Variants in ELAPOR1 observed in about 807,000 individuals in gnomAD.
ELAPOR1 encodes endosome-lysosome associated apoptosis and autophagy regulator 1, also known as endosome/lysosome-associated apoptosis and autophagy regulator 1.
Under a neutral mutation model 119.7 loss-of-function variants are expected in ELAPOR1, and 77 were observed. The ratio of observed to expected loss-of-function variants is 0.64; its 90% CI spans 0.54 to 0.78. ELAPOR1 has a LOEUF of 0.78. Ranked by LOEUF, ELAPOR1 falls within the 30% of genes least tolerant of loss-of-function variation. The pLI, the probability that ELAPOR1 is intolerant of heterozygous loss-of-function variation, is 0.00. For missense variants in ELAPOR1, 1,115 were observed against 1,270.4 expected, an observed-to-expected ratio of 0.88 and a Z score of 1.86; for synonymous variants, 481 against 487.2, an observed-to-expected ratio of 0.99 and a Z score of 0.17.
At chr1:109,189,787 T>C (rs1284965960) in intron 11 of ELAPOR1, 105 bp downstream of exon 11, 9 of 821,362 alleles carry the variant, frequency 1.1e-5, no homozygotes, top group Non-Finnish European at 1.8e-5. Context: ...TTGTGTTTCA[T>C]TTCATTTCAA....
intron 7 of ELAPOR1, among the ~76,000 whole-genome samples, chr1:109,177,115 G>A (rs1221998729): frequency 6.7e-6 from 1 of 148,488 alleles, no homozygotes; most frequent in Non-Finnish European, 1.5e-5. Context: ...TCAATGAGCT[G>A]TTGGGTACAC....
chr1:109,152,952 CAA>C (rs11392572), intron 1 of ELAPOR1, among the ~76,000 whole-genome samples: 30 of 102,378 alleles, frequency 2.9e-4, no homozygotes, highest in African/African-American at 5.9e-4. Context: ...ACCCTGTCTC[CAA>C]AAAAAAAAAA....
At chr1:109,187,035 C>A in intron 8 of ELAPOR1, 2 of 985,574 alleles carry the variant, frequency 2.0e-6, no homozygotes, top group African/African-American at 1.7e-5. Context: ...CTGCTTTGTG[C>A]CTCATTCCCG....
intron 7 of ELAPOR1, among the ~76,000 whole-genome samples, chr1:109,177,215 G>A (rs1270406061): frequency 3.3e-5 from 5 of 149,780 alleles, no homozygotes; most frequent in African/African-American, 9.9e-5. Context: ...CCTGGACGGG[G>A]CGGCTGGCCG....
Position 109,191,717 on chromosome 1 carries a change from T to C in ELAPOR1, c.1546-9T>C, listed in dbSNP as rs1219169340. On this transcript the variant is annotated splice_polypyrimidine_tract_variant and intron_variant, in intron 12 of 21. Transcript: ENST00000369939. ...TCGCACCCGCTTCACTTGTCTGTCC[T>C]GGGTTCAGGGTGTGAATTCTAGGAC... 7 of 1,614,022 alleles carry C rather than the reference T, an allele frequency of 4.3e-6. No individual in the cohort carries two copies. In the African/African-American group the frequency reaches 8.0e-5, roughly 18 times the overall value.
At chr1:109,174,281 T>C (rs2101064086) in intron 7 of ELAPOR1, among the ~76,000 whole-genome samples, 1 of 151,416 alleles carries the variant, frequency 6.6e-6, no homozygotes, top group South Asian at 2.1e-4. Context: ...CCTCTCAAGC[T>C]GTGAGCCTAT....
At chr1:109,146,324 T>TAA (rs36072628) in intron 1 of ELAPOR1, among the ~76,000 whole-genome samples, 1 of 150,352 alleles carries the variant, frequency 6.7e-6, no homozygotes, top group African/African-American at 2.5e-5. Flanking sequence ...CTGTCTCAAT[T>TAA]AAAAAAAAAA....
Position 109,179,377 on chromosome 1 carries a change from C to A in ELAPOR1, c.952+5540C>A, listed in dbSNP as rs1240945241. On this transcript the variant is annotated intron_variant, in intron 7 of 21. Transcript: ENST00000369939. The stretch of plus-strand genomic sequence containing the variant: ...TGAGCCGAGATCATGCCACTGCACT[C>A]CAGCCTGGGTGACAGAGTGAGACTC... Among the ~76,000 whole-genome samples the A allele has an allele frequency of 2.8e-5, 4 of 144,898 alleles. No homozygotes were observed. The Admixed American group carries it at 2.8e-4, about 10-fold the overall frequency.
At chr1:109,159,259 C>A (rs1205748977) in intron 1 of ELAPOR1, among the ~76,000 whole-genome samples, 1 of 152,090 alleles carries the variant, frequency 6.6e-6, no homozygotes, top group African/African-American at 2.4e-5. Flanking sequence ...TGTATTAGAA[C>A]CAGCCACCTT....
chr1:109,190,104 C>T (rs60503169), intron 11 of ELAPOR1, among the ~76,000 whole-genome samples: 17 of 152,254 alleles, frequency 1.1e-4, no homozygotes, highest in African/African-American at 4.1e-4. Flanking sequence ...TAGGGCAACA[C>T]GAAATTTGTT....
chr1:109,133,937 C>T (rs1649302574), intron 1 of ELAPOR1, among the ~76,000 whole-genome samples: 1 of 152,164 alleles, frequency 6.6e-6, no homozygotes, highest in Admixed American at 6.5e-5. Context: ...GGATCCAGGC[C>T]ATTTCTACTT....
At chr1:109,136,377 C>G (rs1649467992) in intron 1 of ELAPOR1, among the ~76,000 whole-genome samples, 1 of 152,206 alleles carries the variant, frequency 6.6e-6, no homozygotes, top group African/African-American at 2.4e-5. Flanking sequence ...GGATGGCTGG[C>G]TGTCCCCCGA....
chr1:109,177,679 A>C (rs1309825035), intron 7 of ELAPOR1, among the ~76,000 whole-genome samples: 1 of 151,948 alleles, frequency 6.6e-6, no homozygotes, highest in African/African-American at 2.4e-5. Flanking sequence ...TCTTGGGGGA[A>C]GTTTTTATCT....
At chr1:109,192,499 C>T in intron 13 of ELAPOR1, 112 bp from the exon 14 acceptor site, 1 of 1,143,762 alleles carries the variant, frequency 8.7e-7, no homozygotes, top group Non-Finnish European at 1.3e-6. Context: ...TTCTCAGATT[C>T]TTCTTAAGTA....
chr1:109,125,995 T>G (rs1199941490), intron 1 of ELAPOR1, among the ~76,000 whole-genome samples: 1 of 152,242 alleles, frequency 6.6e-6, no homozygotes, highest in African/African-American at 2.4e-5. Context: ...CTCTCTTCTC[T>G]TTCACATTTC....
In ELAPOR1 at chr1:109,138,834, C is replaced by CAAAAAAAAAAAAA. The variant is rs150398954; in HGVS notation, c.154-23055_154-23043dup. Among the ~76,000 whole-genome samples the CAAAAAAAAAAAAA allele has an allele frequency of 2.6e-4, 28 of 107,296 alleles. 1 individual carries two copies. The highest frequency in any genetic ancestry group is 5.3e-4 in the African/African-American group (14 of 26,504). The allele number at this position is 107,296 out of a possible 152,430, so 70.4% of individuals were successfully genotyped here. A position where few individuals can be genotyped will look rare whatever the true frequency, so the allele number is the denominator to read the frequency against. Reference sequence around the variant, plus strand: ...GGGCAACAAGAGTGAAACTCCATCTCAAAAAAAAAAAAAAAAAGAATCTTC... The same window carrying CAAAAAAAAAAAAA: ...GGGCAACAAGAGTGAAACTCCATCTCAAAAAAAAAAAAAAAAAAAAAAAAAAAAAAGAATCTTC... On this transcript the variant is annotated intron_variant, in intron 1 of 21. Coordinates refer to ENST00000369939, the MANE Select transcript of ELAPOR1 (RefSeq NM_020775.5).
intron 1 of ELAPOR1, among the ~76,000 whole-genome samples, chr1:109,125,038 C>T (rs1189571402): frequency 6.6e-6 from 1 of 152,146 alleles, no homozygotes; most frequent in Non-Finnish European, 1.5e-5. Flanking sequence ...AAATGATTTT[C>T]CTGCCTCAGC....
intron 3 of ELAPOR1, among the ~76,000 whole-genome samples, chr1:109,171,193 T>C (rs942843124): frequency 2.0e-5 from 3 of 152,040 alleles, no homozygotes; most frequent in Admixed American, 6.6e-5. Context: ...TTGATGAAAA[T>C]AAATCATGAA....
Position 109,200,229 on chromosome 1 carries a change from G to T in ELAPOR1, c.2799G>T (p.Lys933Asn). 2 of 1,613,964 alleles carry T rather than the reference G, an allele frequency of 1.2e-6. No homozygotes were observed. The highest frequency in any genetic ancestry group is 2.2e-5 in the South Asian group (2 of 91,060). The part of the protein sequence containing the change: ...LTVLTCYFWK[K>N]NQKLEYKYSK... ...TCTTGACCTGCTACTTTTGGAAAAAGAATCAAAAGTACATGTTGCGGTATT... is the reference window on the plus strand; with the variant it reads ...TCTTGACCTGCTACTTTTGGAAAAATAATCAAAAGTACATGTTGCGGTATT... The change falls in exon 20 of 22, where the codon AAG (lysine) becomes AAT (asparagine). Residue 933 changes from lysine to asparagine, a missense_variant. Coordinates refer to ENST00000369939, the MANE Select transcript of ELAPOR1 (RefSeq NM_020775.5).
Sources: gnomAD v4.1 joint callset for allele counts (sites outside exome capture counted in the v4.1 genomes callset) on GRCh38, gnomAD v4.1.1 for gene constraint, MANE v1.5 for transcripts, NCBI Gene and HGNC (gene_info 2026-07-23, HGNC 2026-07-21) for gene names.